Variants in CNTNAP2 observed in about 807,000 individuals in gnomAD.
The protein encoded by CNTNAP2 is contactin associated protein 2.
A neutral mutation model predicts 155.2 loss-of-function variants in CNTNAP2; 98 were observed. That is an observed-to-expected ratio of 0.63 (90% confidence interval 0.54 to 0.75). CNTNAP2 has a LOEUF of 0.75. Ranked by LOEUF, CNTNAP2 falls within the 30% of genes least tolerant of loss-of-function variation. The probability of loss-of-function intolerance (pLI) is 0.00; values close to 1 mark genes in which losing one functional copy is unlikely to be tolerated. For synonymous variants in CNTNAP2, 651 were observed against 631.2 expected, an observed-to-expected ratio of 1.03 and a Z score of -0.47; for missense variants, 1,727 against 1,688.1, an observed-to-expected ratio of 1.02 and a Z score of -0.40.
At position 147,971,267 on chromosome 7, in the gene CNTNAP2, C is replaced by CT. The variant is rs113277527; in HGVS notation, c.2256-6587dup. Among the ~76,000 whole-genome samples the CT allele has an allele frequency of 9.0e-3, 1,374 of 152,056 alleles. 22 individuals are homozygous for CT. The highest frequency in any genetic ancestry group is 0.032 in the African/African-American group (1,310 of 41,484). On this transcript the variant is annotated intron_variant, in intron 14 of 23. Transcript: ENST00000361727. The stretch of plus-strand genomic sequence containing the variant: ...TTGGCATTTGAGACTATCTACAGTT[C>CT]TTTTTTTTAATAACCTCATTGAAGT...
chr7:147,571,106 T>A (rs1800280050), intron 12 of CNTNAP2, among the ~76,000 whole-genome samples: 2 of 152,134 alleles, frequency 1.3e-5, no homozygotes, highest in East Asian at 3.9e-4. Context: ...GCAATTAGTA[T>A]GATTTTTAGT....
intron 8 of CNTNAP2, among the ~76,000 whole-genome samples, chr7:147,170,648 C>G (rs970296288): frequency 2.0e-5 from 3 of 152,194 alleles, no homozygotes; most frequent in Non-Finnish European, 2.9e-5. Context: ...GCCATAGGAT[C>G]CAACCCTGCA....
intron 15 of CNTNAP2, among the ~76,000 whole-genome samples, chr7:148,039,257 G>A (rs1371312848): frequency 1.3e-5 from 2 of 152,200 alleles, no homozygotes; most frequent in African/African-American, 2.4e-5. Flanking sequence ...ACAGCCTGGA[G>A]TTCTGATGGC....
At chr7:146,994,806 G>GT in intron 3 of CNTNAP2, among the ~76,000 whole-genome samples, 1 of 152,230 alleles carries the variant, frequency 6.6e-6, no homozygotes, top group South Asian at 2.1e-4. Context: ...CATTGTGGAT[G>GT]TTTTTGGTGA....
chr7:147,240,993 C>T (rs1186937994), intron 8 of CNTNAP2, among the ~76,000 whole-genome samples: 1 of 152,122 alleles, frequency 6.6e-6, no homozygotes, highest in Non-Finnish European at 1.5e-5. Flanking sequence ...TAAATGGTTC[C>T]ATGTTTATTT....
intron 1 of CNTNAP2, among the ~76,000 whole-genome samples, chr7:146,447,376 T>C (rs1796417107): frequency 6.6e-6 from 1 of 152,088 alleles, no homozygotes; most frequent in Non-Finnish European, 1.5e-5. Flanking sequence ...GGTTCAGCAA[T>C]GCATTAGTAT....
At chr7:146,836,276 G>A (rs1367105064) in intron 2 of CNTNAP2, among the ~76,000 whole-genome samples, 7 of 151,768 alleles carry the variant, frequency 4.6e-5, no homozygotes, top group Admixed American at 4.6e-4. Context: ...ATCTTGGGCA[G>A]GGATCAACAA....
Position 148,416,852 on chromosome 7 carries a change from TTCCCA to T in CNTNAP2, c.*1237_*1241del, listed in dbSNP as rs1800005987. 6.5e-6 allele frequency: 1 copy of T among 152,676 alleles called. No homozygotes were observed. The highest frequency in any genetic ancestry group is 1.5e-5 in the Non-Finnish European group (1 of 68,054). 9.5% of individuals were successfully genotyped at this position (152,676 alleles called of 1,614,324 possible). ...TCATCACAAACCTGGTACCTGTTGC[TTCCCA>T]GAGGATGGAGAAGTGTAGTTAATCA... On this transcript the variant is annotated 3_prime_UTR_variant, in exon 24 of 24. Transcript: ENST00000361727.
intron 3 of CNTNAP2, among the ~76,000 whole-genome samples, chr7:146,851,146 G>A (rs961688720): frequency 4.0e-5 from 6 of 151,866 alleles, no homozygotes; most frequent in Non-Finnish European, 8.8e-5. Context: ...CACCACACCC[G>A]GCTAATTTTT....
At chr7:147,799,268 GT>G (rs2116585855) in intron 13 of CNTNAP2, among the ~76,000 whole-genome samples, 1 of 152,204 alleles carries the variant, frequency 6.6e-6, no homozygotes, top group East Asian at 1.9e-4. Context: ...GAAAGATGAA[GT>G]TTTTCTTTTT....
chr7:148,281,928 C>T (rs891671807), intron 21 of CNTNAP2, among the ~76,000 whole-genome samples: 6 of 150,794 alleles, frequency 4.0e-5, no homozygotes, highest in South Asian at 2.1e-4. Flanking sequence ...CTCCACCTCC[C>T]GGGTTCAAGC....
intron 2 of CNTNAP2, among the ~76,000 whole-genome samples, chr7:146,839,125 T>C (rs1308243802): frequency 6.6e-6 from 1 of 152,172 alleles, no homozygotes; most frequent in Non-Finnish European, 1.5e-5. Flanking sequence ...ACAAGAGGTA[T>C]TGACTGTATA....
intron 14 of CNTNAP2, 134 bp downstream of exon 14, chr7:147,903,855 A>G (rs1799916463): frequency 1.8e-6 from 2 of 1,129,412 alleles, no homozygotes; most frequent in Admixed American, 2.0e-5. Context: ...AACTAACCCA[A>G]CTGACAAATG....
At chr7:146,950,707 G>A (rs115137783) in intron 3 of CNTNAP2, among the ~76,000 whole-genome samples, 1,768 of 152,150 alleles carry the variant, frequency 0.012, 33 homozygotes, top group African/African-American at 0.041. Context: ...TGGGGATCTG[G>A]GCTGGTTCCA....
chr7:147,266,552 T>C (rs911254982), intron 8 of CNTNAP2, among the ~76,000 whole-genome samples: 1 of 152,170 alleles, frequency 6.6e-6, no homozygotes, highest in Non-Finnish European at 1.5e-5. Flanking sequence ...AACAAAGTCA[T>C]GATAAGGTAT....
intron 11 of CNTNAP2, among the ~76,000 whole-genome samples, chr7:147,541,889 T>C (rs1049827736): frequency 1.3e-5 from 2 of 152,072 alleles, no homozygotes; most frequent in Non-Finnish European, 2.9e-5. Context: ...GAGCAACTTT[T>C]TGGGTAATAA....
chr7:146,647,838 C>T (rs889253367), intron 1 of CNTNAP2, among the ~76,000 whole-genome samples: 5 of 152,124 alleles, frequency 3.3e-5, no homozygotes, highest in African/African-American at 9.7e-5. Flanking sequence ...CTCTACTAAT[C>T]TATAGTCATC....
intron 15 of CNTNAP2, among the ~76,000 whole-genome samples, chr7:148,054,450 T>C (rs1472979446): frequency 4.7e-5 from 1 of 21,066 alleles, no homozygotes; most frequent in South Asian, 1.3e-3. Flanking sequence ...CAGTGGCCTT[T>C]TTTTTTTTTT....
chr7:146,930,319 T>C (rs1160278635), intron 3 of CNTNAP2, among the ~76,000 whole-genome samples: 3 of 152,000 alleles, frequency 2.0e-5, no homozygotes, highest in Admixed American at 6.6e-5. Flanking sequence ...CAACCCAGAA[T>C]TTCATATCCA....
Sources: allele counts gnomAD v4.1 joint callset (sites outside exome capture counted in the v4.1 genomes callset), GRCh38; gene constraint gnomAD v4.1.1; transcripts MANE v1.5; gene names NCBI Gene and HGNC (gene_info 2026-07-23, HGNC 2026-07-21).